The following ASTN1 variants were observed in gnomAD, a reference collection of about 807,000 sequenced individuals.
ASTN1 encodes the protein astrotactin 1, also known as astrotactin-1.
Under a neutral mutation model 140.7 loss-of-function variants are expected in ASTN1, and 41 were observed. That is an observed-to-expected ratio of 0.29 (90% CI 0.23 to 0.38). The LOEUF is 0.38. ASTN1 is among the 10% of genes least tolerant of loss of function. ASTN1 has a pLI of 1.00. For missense variants in ASTN1, 1,479 were observed against 1,678.8 expected, an observed-to-expected ratio of 0.88 and a Z score of 2.08; for synonymous variants, 640 against 652.2, an observed-to-expected ratio of 0.98 and a Z score of 0.29.
chr1:177,120,127 G>C (rs1681306187), intron 1 of ASTN1, among the ~76,000 whole-genome samples: 1 of 152,182 alleles, frequency 6.6e-6, no homozygotes, highest in Non-Finnish European at 1.5e-5. Context: ...GAAAATGGAG[G>C]AGCAGTGGAG....
chr1:177,078,591 G>C (rs1262609786), intron 1 of ASTN1, among the ~76,000 whole-genome samples: 3 of 152,116 alleles, frequency 2.0e-5, no homozygotes, highest in Non-Finnish European at 2.9e-5. Context: ...TATAAAAAAT[G>C]CTTATTTAGA....
chr1:176,988,329 A>AC (rs1045870425), intron 8 of ASTN1, among the ~76,000 whole-genome samples: 6 of 151,726 alleles, frequency 4.0e-5, no homozygotes, highest in African/African-American at 1.5e-4. Flanking sequence ...AAAAAAAAAA[A>AC]AAAACCTTTC....
chr1:177,117,535 G>C (rs1291318676), intron 1 of ASTN1, among the ~76,000 whole-genome samples: 1 of 152,150 alleles, frequency 6.6e-6, no homozygotes, highest in Non-Finnish European at 1.5e-5. Flanking sequence ...CTTAAGTTCT[G>C]CTGGGAGTAA....
At chr1:176,955,021 C>T (rs1251938976) in intron 11 of ASTN1, among the ~76,000 whole-genome samples, 1 of 152,174 alleles carries the variant, frequency 6.6e-6, no homozygotes, top group Non-Finnish European at 1.5e-5. Context: ...TTGAATTCAG[C>T]CAGGAAAATA....
intron 16 of ASTN1, among the ~76,000 whole-genome samples, chr1:176,920,305 G>A (rs1557960442): frequency 6.6e-6 from 1 of 152,132 alleles, no homozygotes; most frequent in Admixed American, 6.5e-5. Flanking sequence ...TACTGTCCTT[G>A]CTCCAGCCTC....
At chr1:176,999,258 G>A (rs369554017) in intron 8 of ASTN1, among the ~76,000 whole-genome samples, 1 of 152,144 alleles carries the variant, frequency 6.6e-6, no homozygotes, top group African/African-American at 2.4e-5. Flanking sequence ...AAACAATAAA[G>A]AATCCAAAGA....
intron 16 of ASTN1, among the ~76,000 whole-genome samples, chr1:176,924,553 G>C (rs1220785320): frequency 6.6e-6 from 1 of 151,948 alleles, no homozygotes; most frequent in African/African-American, 2.4e-5. Flanking sequence ...CTTCTCACTA[G>C]GATATGAGCT....
chr1:176,929,042 A>G (rs1671090125), intron 16 of ASTN1, among the ~76,000 whole-genome samples: 1 of 152,224 alleles, frequency 6.6e-6, no homozygotes, highest in South Asian at 2.1e-4. Flanking sequence ...CTAGGGACCT[A>G]AACTGTACAG....
At chr1:177,100,879 G>A (rs1352886220) in intron 1 of ASTN1, among the ~76,000 whole-genome samples, 1 of 152,104 alleles carries the variant, frequency 6.6e-6, no homozygotes, top group Non-Finnish European at 1.5e-5. Context: ...GATCACCTGA[G>A]GTCAGGAATT....
chr1:177,110,121 G>T (rs1216045323), intron 1 of ASTN1, among the ~76,000 whole-genome samples: 40 of 152,100 alleles, frequency 2.6e-4, no homozygotes, highest in Non-Finnish European at 2.9e-5. Flanking sequence ...GAAATTTTGA[G>T]AGCTCAAAGT....
At chr1:177,032,260 G>A (rs952575711) in intron 3 of ASTN1, among the ~76,000 whole-genome samples, 196 bp downstream of exon 3, 1 of 152,064 alleles carries the variant, frequency 6.6e-6, no homozygotes, top group Admixed American at 6.5e-5. Flanking sequence ...CAATTTACAC[G>A]GTTCTTCTGG....
At chr1:176,867,919 TTTCC>T (rs57237203) in intron 22 of ASTN1, among the ~76,000 whole-genome samples, 46,996 of 150,674 alleles carry the variant, frequency 0.31, 8,744 homozygotes, top group East Asian at 0.72. Flanking sequence ...ATTTTCTTCA[TTTCC>T]TTCCTTCCTT....
At chr1:177,117,370 T>C (rs1681144949) in intron 1 of ASTN1, among the ~76,000 whole-genome samples, 1 of 152,188 alleles carries the variant, frequency 6.6e-6, no homozygotes, top group African/African-American at 2.4e-5. Flanking sequence ...TCCAGTTCCC[T>C]AACTCTCACA....
chr1:176,996,211 G>A (rs979744648), intron 8 of ASTN1, among the ~76,000 whole-genome samples: 1 of 151,734 alleles, frequency 6.6e-6, no homozygotes, highest in Non-Finnish European at 1.5e-5. Context: ...GACAAAAGGA[G>A]GCTCCCCAGT....
chr1:176,958,248 T>C, intron 10 of ASTN1, 97 bp downstream of exon 10: 1 of 1,574,000 alleles, frequency 6.4e-7, no homozygotes, highest in Non-Finnish European at 8.6e-7. Flanking sequence ...TCCTTTTAGC[T>C]TGTTGGGACT....
intron 1 of ASTN1, among the ~76,000 whole-genome samples, chr1:177,082,092 C>T (rs755459671): frequency 6.6e-6 from 1 of 152,076 alleles, no homozygotes; most frequent in Non-Finnish European, 1.5e-5. Context: ...ATTGGATTGT[C>T]AGATAGGAAA....
chr1:176,997,820 T>A (rs888820543), intron 8 of ASTN1, among the ~76,000 whole-genome samples: 1 of 151,936 alleles, frequency 6.6e-6, no homozygotes, highest in East Asian at 1.9e-4. Context: ...GGGCTTCCAA[T>A]TGGGGAGTTA....
chr1:176,914,846 G>C (rs577526921), intron 16 of ASTN1, among the ~76,000 whole-genome samples: 79 of 152,268 alleles, frequency 5.2e-4, no homozygotes, highest in African/African-American at 1.9e-3. Flanking sequence ...GAAAGGATTT[G>C]GTGCCAGATA....
intron 8 of ASTN1, among the ~76,000 whole-genome samples, chr1:176,974,862 AC>A (rs1673296262): frequency 6.6e-6 from 1 of 152,208 alleles, no homozygotes; most frequent in African/African-American, 2.4e-5. Context: ...TCACACTTGA[AC>A]TTTTTGTCAT....
Sources: allele counts gnomAD v4.1 joint callset (sites outside exome capture counted in the v4.1 genomes callset), GRCh38; gene constraint gnomAD v4.1.1; transcripts MANE v1.5; gene names NCBI Gene and HGNC (gene_info 2026-07-23, HGNC 2026-07-21).